Variants in PAXBP1 observed in about 807,000 individuals in gnomAD.
PAXBP1 encodes PAX3- and PAX7-binding protein 1.
Under a neutral mutation model 119.9 loss-of-function variants are expected in PAXBP1, and 44 were observed. The ratio of observed to expected loss-of-function variants is 0.37; its 90% confidence interval spans 0.29 to 0.47. PAXBP1 has a LOEUF of 0.47. PAXBP1 is among the 20% of genes least tolerant of loss of function. PAXBP1 has a pLI of 0.99. For missense variants in PAXBP1, 898 were observed against 1,134.1 expected (o/e 0.79, Z 2.99); for synonymous variants, 393 against 406.6 (o/e 0.97, Z 0.40).
chr21:32,769,436 A>C (rs2044297549), intron 2 of PAXBP1, among the ~76,000 whole-genome samples: 1 of 152,150 alleles, frequency 6.6e-6, no homozygotes, highest in African/African-American at 2.4e-5. Flanking sequence ...AATACCACCA[A>C]AGAAATCGCA....
chr21:32,753,587 T>C (rs2043997182), intron 8 of PAXBP1, among the ~76,000 whole-genome samples: 1 of 152,226 alleles, frequency 6.6e-6, no homozygotes, highest in Non-Finnish European at 1.5e-5. Flanking sequence ...TAAGTGCTTA[T>C]AAATCTAAAC....
At chr21:32,755,123 TCTTTA>T in intron 8 of PAXBP1, 102 bp downstream of exon 8, 1 of 1,160,232 alleles carries the variant, frequency 8.6e-7, no homozygotes, top group South Asian at 2.1e-5. Context: ...GGAAATTGTT[TCTTTA>T]AAAAAAAAAA....
At chr21:32,744,260 T>TAAAAAAA (rs762993580) in intron 13 of PAXBP1, among the ~76,000 whole-genome samples, 1 of 57,586 alleles carries the variant, frequency 1.7e-5, no homozygotes, top group Non-Finnish European at 3.5e-5. Context: ...GCTGATGAGC[T>TAAAAAAA]AAAAAAAAAA....
At chr21:32,744,683 G>T in intron 13 of PAXBP1, 109 bp downstream of exon 13, 5 of 1,187,750 alleles carry the variant, frequency 4.2e-6, no homozygotes, top group Non-Finnish European at 4.5e-6. Flanking sequence ...GCCCAAGTGG[G>T]AGAACCAGAT....
At chr21:32,761,251 C>T in intron 4 of PAXBP1, 89 bp from the exon 5 acceptor site, 1 of 936,450 alleles carries the variant, frequency 1.1e-6, no homozygotes, top group East Asian at 2.4e-5. Context: ...AAGAACTGAG[C>T]AAAACTATTA....
At chr21:32,761,691 A>C (rs1334063848) in intron 4 of PAXBP1, among the ~76,000 whole-genome samples, 2 of 152,048 alleles carry the variant, frequency 1.3e-5, no homozygotes, top group African/African-American at 4.8e-5. Context: ...TCATGCCTGT[A>C]ATCTCAGCAC....
Position 32,759,201 on chromosome 21 carries a change from A to G in PAXBP1, c.1262T>C (p.Val421Ala). Reference protein sequence around the residue: ...QQHEKHLQSRVDSTRAIERLE... With the variant: ...QQHEKHLQSRADSTRAIERLE... ...TCTTTCAATAGCCCTGGTAGAGTCC[A>G]CTCGGCTTTGCAGATGTTTCTCATG... is the stretch of plus-strand genomic sequence containing the variant. The change falls in exon 7 of 18, where the codon GTG becomes GCG. Residue 421 changes from valine (V) to alanine (A), a missense_variant. Physicochemically the swap from Val to Ala is moderately conservative, Grantham distance 64 (BLOSUM62 0). Coordinates refer to ENST00000331923, the MANE Select transcript of PAXBP1 (RefSeq NM_016631.4). 6.2e-7 allele frequency: 1 copy of G among 1,614,020 alleles called. No individual in the cohort carries two copies. The highest frequency in any genetic ancestry group is 8.5e-7 in the Non-Finnish European group (1 of 1,179,934).
chr21:32,760,910 T>C (rs113291267), intron 5 of PAXBP1, 149 bp downstream of exon 5: 194 of 604,174 alleles, frequency 3.2e-4, no homozygotes, highest in Middle Eastern at 2.3e-3. Context: ...TGCGTGTGTG[T>C]GTGTGTGTGT....
chr21:32,760,905 G>C (rs753577270), intron 5 of PAXBP1, among the ~76,000 whole-genome samples, 154 bp downstream of exon 5: 33 of 126,074 alleles, frequency 2.6e-4, no homozygotes, highest in Non-Finnish European at 5.6e-4. Flanking sequence ...GTGCGTGCGT[G>C]TGTGTGTGTG....
intron 11 of PAXBP1, among the ~76,000 whole-genome samples, chr21:32,748,033 C>T (rs1192198117): frequency 6.6e-6 from 1 of 151,850 alleles, no homozygotes; most frequent in East Asian, 1.9e-4. Context: ...ACAATCCTCC[C>T]GCCTTGGCCT....
Position 32,771,478 on chromosome 21 carries a change from G to A in PAXBP1, c.191C>T (p.Pro64Leu), listed in dbSNP as rs1303640072. 4.5e-6 allele frequency: 6 copies of A among 1,330,460 alleles called. No individual in the cohort carries two copies. The highest frequency in any genetic ancestry group is 1.5e-5 in the African/African-American group (1 of 64,622). The allele number at this position is 1,330,460 out of a possible 1,614,324, so 82.4% of individuals were successfully genotyped here. A position where few individuals can be genotyped will look rare whatever the true frequency, so the allele number is the denominator to read the frequency against. Residue 64 changes from proline (P) to leucine (L), a missense_variant, in exon 1 of 18, where the codon CCT becomes CTT. Coordinates refer to ENST00000331923, the MANE Select transcript of PAXBP1 (RefSeq NM_016631.4). ...CCCGAGGCCCGGGGTCAGCGCGGAA[G>A]GCGGCGACGGCCCCGGGCCCAGCAG... is the stretch of plus-strand genomic sequence containing the variant. Reference protein sequence around the residue: ...ESLLGPGPSPPSALTPGLGAE... With the variant: ...ESLLGPGPSPLSALTPGLGAE...
intron 8 of PAXBP1, among the ~76,000 whole-genome samples, chr21:32,753,544 A>C (rs781620281): frequency 1.3e-5 from 2 of 152,152 alleles, no homozygotes; most frequent in Non-Finnish European, 2.9e-5. Flanking sequence ...AGCCTCCTCC[A>C]TTTCTGTAAG....
chr21:32,749,026 C>T (rs2043918913), intron 10 of PAXBP1, among the ~76,000 whole-genome samples: 1 of 152,118 alleles, frequency 6.6e-6, no homozygotes, highest in Non-Finnish European at 1.5e-5. Context: ...AATTGTGCCG[C>T]TAGCTTTTTA....
Position 32,771,415 on chromosome 21 carries a change from G to A in PAXBP1, c.254C>T (p.Pro85Leu). ...AGGGFPGGAE[P>L]GNGLKPRKRP... The stretch of plus-strand genomic sequence containing the variant: ...CTTGCGCGGCTTCAGCCCGTTGCCG[G>A]GCTCCGCGCCGCCGGGGAAGCCGCC... The change falls in exon 1 of 18, where the codon CCC becomes CTC. Residue 85 changes from proline to leucine, a missense_variant. Around this residue, in one of 2 missense-constraint regions of PAXBP1, gnomAD observed 299 missense variants for 281.4 expected, o/e 1.06. Transcript: ENST00000331923. The A allele has an allele frequency of 6.5e-7, 1 of 1,544,320 alleles. No homozygotes were observed. The highest frequency in any genetic ancestry group is 1.4e-5 in the African/African-American group (1 of 70,304).
chr21:32,738,208 C>T lies in PAXBP1; in HGVS notation c.2446G>A (p.Glu816Lys). Reference protein sequence around the residue: ...RYILMAFQNSEYGDDSIKKAQ... With the variant: ...RYILMAFQNSKYGDDSIKKAQ... ...TTTTTGATGCTGTCATCTCCATATT[C>T]TGAATTCTGAAAAGCCATGAGAATA... Residue 816 changes from glutamate to lysine, a missense_variant, in exon 16 of 18, where the codon GAA (glutamate) becomes AAA (lysine). Glu to Lys is a moderately conservative substitution (Grantham distance 56, BLOSUM62 1). Around this residue, in one of 2 missense-constraint regions of PAXBP1, gnomAD observed 599 missense variants for 852.7 expected, o/e 0.70. Transcript: ENST00000331923. 1 of 1,597,630 alleles carries T rather than the reference C, an allele frequency of 6.3e-7. No individual in the cohort carries two copies. The highest frequency in any genetic ancestry group is 8.5e-7 in the Non-Finnish European group (1 of 1,175,400).
At chr21:32,742,915 TTTCAGG>T (rs2043810583) in intron 15 of PAXBP1, 1 of 485,494 alleles carries the variant, frequency 2.1e-6, no homozygotes, top group Non-Finnish European at 4.1e-6. Flanking sequence ...CTATCTGTGG[TTTCAGG>T]TAGCCACTGG....
intron 15 of PAXBP1, chr21:32,741,439 A>G: frequency 1.7e-6 from 1 of 593,288 alleles, no homozygotes; most frequent in East Asian, 2.8e-5. Flanking sequence ...ATTGTCTACT[A>G]TGTTTAGGTT....
In PAXBP1 at chr21:32,734,784, T is replaced by C; in HGVS notation, c.*166A>G. ...CATAGACTCCTAGAAATAATCTGAA[T>C]TCCTTTCATTCTGAAGAAATATCAT... On this transcript the variant is annotated 3_prime_UTR_variant, in exon 18 of 18. Coordinates refer to ENST00000331923, the MANE Select transcript of PAXBP1 (RefSeq NM_016631.4). 1 of 640,640 alleles carries C rather than the reference T, an allele frequency of 1.6e-6. No individual in the cohort carries two copies. The highest frequency in any genetic ancestry group is 2.9e-5 in the Admixed American group (1 of 34,566). 39.7% of individuals were successfully genotyped at this position (640,640 alleles called of 1,614,324 possible).
At chr21:32,740,312 C>T (rs554741829) in intron 15 of PAXBP1, among the ~76,000 whole-genome samples, 9 of 152,332 alleles carry the variant, frequency 5.9e-5, no homozygotes, top group African/African-American at 1.9e-4. Flanking sequence ...GTATTTCTTA[C>T]ATATTGATTG....
Sources: gnomAD v4.1 joint callset for allele counts (sites outside exome capture counted in the v4.1 genomes callset) on GRCh38, gnomAD v4.1.1 for gene constraint, gnomAD v4.1.1 regional missense constraint, MANE v1.5 for transcripts, NCBI Gene and HGNC (gene_info 2026-07-23, HGNC 2026-07-21) for gene names.